The following GAB1 variants were observed in gnomAD, a reference collection of about 807,000 sequenced individuals.
GAB1 encodes GRB2-associated-binding protein 1.
GAB1 carries 19 observed loss-of-function variants against 66.5 expected under a neutral mutation model. The ratio of observed to expected loss-of-function variants is 0.29; its 90% CI spans 0.20 to 0.42. The LOEUF (loss-of-function observed/expected upper bound fraction) is 0.42. Among genes scored for constraint, GAB1 ranks in the 10% least tolerant of loss-of-function variants. The pLI is 1.00. For synonymous variants in GAB1, 294 were observed against 301.4 expected, an observed-to-expected ratio of 0.98 and a Z score of 0.25; for missense variants, 732 against 858.5, an observed-to-expected ratio of 0.85 and a Z score of 1.84.
chr4:143,427,999 A>G (rs527989500), intron 2 of GAB1, among the ~76,000 whole-genome samples: 148 of 152,282 alleles, frequency 9.7e-4, no homozygotes, highest in South Asian at 6.8e-3. Context: ...GCCTTCACCT[A>G]TGTTAATAGG....
At chr4:143,446,255 C>T (rs1440646005) in intron 6 of GAB1, among the ~76,000 whole-genome samples, 7 of 152,196 alleles carry the variant, frequency 4.6e-5, no homozygotes, top group Admixed American at 2.0e-4. Flanking sequence ...AATAAACATA[C>T]GTGTGCATGT....
intron 1 of GAB1, among the ~76,000 whole-genome samples, chr4:143,394,013 C>T (rs528820359): frequency 5.9e-4 from 90 of 152,278 alleles, no homozygotes; most frequent in Non-Finnish European, 1.1e-3. Context: ...GTGGCTCACA[C>T]CTGTAATCCC....
In GAB1 at chr4:143,472,289, GCAT is replaced by G. The variant is rs1458945793; in HGVS notation, c.*3101_*3103del. 6.6e-6 allele frequency: 1 copy of G among 152,018 alleles called. No individual in the cohort carries two copies. The highest frequency in any genetic ancestry group is 6.6e-5 in the Admixed American group (1 of 15,250). 9.4% of individuals were successfully genotyped at this position (152,018 alleles called of 1,614,324 possible). A position where few individuals can be genotyped will look rare whatever the true frequency, so the allele number is the denominator to read the frequency against. On this transcript the variant is annotated 3_prime_UTR_variant, in exon 10 of 10. Transcript: ENST00000262994. ...GTGTCTGTATGTGTGTGTATATATAGCATTGTATTTAATCATAGACTAAATTTA... is the reference window on the plus strand; with the variant it reads ...GTGTCTGTATGTGTGTGTATATATAGTGTATTTAATCATAGACTAAATTTA...
At chr4:143,407,628 G>T (rs886293526) in intron 1 of GAB1, among the ~76,000 whole-genome samples, 3 of 152,120 alleles carry the variant, frequency 2.0e-5, no homozygotes, top group Non-Finnish European at 4.4e-5. Context: ...GCTAGAAAAT[G>T]GTGACAACAG....
At chr4:143,406,654 A>T (rs1388336615) in intron 1 of GAB1, among the ~76,000 whole-genome samples, 2 of 152,346 alleles carry the variant, frequency 1.3e-5, no homozygotes, top group Non-Finnish European at 2.9e-5. Context: ...GGTGGTAAGA[A>T]AAGGGTGAGA....
chr4:143,368,424 A>G (rs1334710488), intron 1 of GAB1, among the ~76,000 whole-genome samples: 1 of 152,210 alleles, frequency 6.6e-6, no homozygotes, highest in Non-Finnish European at 1.5e-5. Context: ...TTAGATATTT[A>G]AACAGTTTGA....
At chr4:143,368,976 G>C (rs1051394397) in intron 1 of GAB1, among the ~76,000 whole-genome samples, 1 of 151,754 alleles carries the variant, frequency 6.6e-6, no homozygotes, top group Admixed American at 6.6e-5. Flanking sequence ...GTCTTGCTCT[G>C]TTGCCCAGGC....
chr4:143,337,099 C>A lies in GAB1; in HGVS notation c.-90C>A, dbSNP rs1219751723. 4 of 1,165,158 alleles carry A rather than the reference C, an allele frequency of 3.4e-6. No individual in the cohort carries two copies. Among genetic ancestry groups the A allele is most frequent in the East Asian group, 5.2e-5 (2 of 38,096 alleles). 72.2% of individuals were successfully genotyped at this position (1,165,158 alleles called of 1,614,324 possible). On this transcript the variant is annotated 5_prime_UTR_variant, in exon 1 of 10. Coordinates refer to ENST00000262994, the MANE Select transcript of GAB1 (RefSeq NM_002039.4). ...TGCGCGACCAGGAGAGCTAGGTTCT[C>A]GCCACTGCGCGCTCGGCAGGCGTCG...
chr4:143,371,369 A>G (rs1192930314), intron 1 of GAB1, among the ~76,000 whole-genome samples: 1 of 152,148 alleles, frequency 6.6e-6, no homozygotes, highest in Non-Finnish European at 1.5e-5. Context: ...GTCTGTTCAT[A>G]TCCTTCACCC....
chr4:143,345,089 G>A (rs979795816), intron 1 of GAB1, among the ~76,000 whole-genome samples: 2 of 152,316 alleles, frequency 1.3e-5, no homozygotes, highest in South Asian at 2.1e-4. Flanking sequence ...CAAACTGCAC[G>A]TGAAGGATAT....
At chr4:143,459,098 A>G (rs1735349655) in intron 6 of GAB1, among the ~76,000 whole-genome samples, 1 of 151,736 alleles carries the variant, frequency 6.6e-6, no homozygotes, top group African/African-American at 2.4e-5. Flanking sequence ...TCTTTATCTC[A>G]TTTAGTTTAT....
rs1282460806 is a variant in GAB1 at position 143,423,729 on chromosome 4, T to C, written c.367+7958T>C. On this transcript the variant is annotated intron_variant, in intron 2 of 9. Transcript: ENST00000262994. The stretch of plus-strand genomic sequence containing the variant: ...GAGGCGGAGCTTGCAATGAGCCAGA[T>C]CGCGCCACTGCACTCCAGCCTGGGC... Among the ~76,000 whole-genome samples, 10 of 136,180 alleles carry C rather than the reference T, an allele frequency of 7.3e-5. No homozygotes were observed. In the Admixed American group the frequency reaches 8.2e-4, roughly 11 times the overall value. The allele number at this position is 136,180 out of a possible 152,430, so 89.3% of individuals were successfully genotyped here.
chr4:143,414,267 G>T (rs146131406), intron 1 of GAB1, among the ~76,000 whole-genome samples: 128 of 152,284 alleles, frequency 8.4e-4, no homozygotes, highest in African/African-American at 2.8e-3. Flanking sequence ...GAGGAGTAAG[G>T]TGTAAGTTTG....
intron 1 of GAB1, among the ~76,000 whole-genome samples, chr4:143,364,283 T>G (rs1340150153): frequency 6.6e-6 from 1 of 152,186 alleles, no homozygotes; most frequent in Non-Finnish European, 1.5e-5. Context: ...CTTTCCTTCC[T>G]ACGTGCATGG....
intron 2 of GAB1, 84 bp from the exon 3 acceptor site, chr4:143,433,407 A>G: frequency 1.1e-6 from 1 of 917,348 alleles, no homozygotes; most frequent in Non-Finnish European, 1.8e-6. Context: ...TTGTGTGTTG[A>G]AACAATTTGT....
chr4:143,343,325 A>C (rs1728884796), intron 1 of GAB1: 1 of 152,592 alleles, frequency 6.6e-6, no homozygotes, highest in Non-Finnish European at 1.5e-5. Context: ...TATTTATCTT[A>C]AATAGTTTAG....
chr4:143,367,729 T>TTG (rs1729947919), intron 1 of GAB1, among the ~76,000 whole-genome samples: 1 of 145,902 alleles, frequency 6.9e-6, no homozygotes, highest in Admixed American at 6.8e-5. Flanking sequence ...GTTTTTTTTT[T>TTG]TTTTTTTTTT....
chr4:143,404,171 A>T (rs1263708964), intron 1 of GAB1, among the ~76,000 whole-genome samples: 1 of 152,248 alleles, frequency 6.6e-6, no homozygotes, highest in Non-Finnish European at 1.5e-5. Flanking sequence ...ACCCAGAAAT[A>T]ATTATTTTGG....
At chr4:143,372,120 T>G (rs1162330816) in intron 1 of GAB1, among the ~76,000 whole-genome samples, 2 of 151,922 alleles carry the variant, frequency 1.3e-5, no homozygotes, top group East Asian at 3.9e-4. Flanking sequence ...AGGTCAGGAG[T>G]TCAAGACCAG....
Sources: gnomAD v4.1 joint callset for allele counts (sites outside exome capture counted in the v4.1 genomes callset) on GRCh38, gnomAD v4.1.1 for gene constraint, MANE v1.5 for transcripts, NCBI Gene and HGNC (gene_info 2026-07-23, HGNC 2026-07-21) for gene names.